The following MYPN variants were observed in gnomAD, a reference collection of about 807,000 sequenced individuals.
MYPN encodes the protein sarcomeric protein myopalladin, 145 kDa (MYOP).
In MYPN, 63 loss-of-function variants were observed where a neutral mutation model predicts 129.4. That is an observed-to-expected ratio of 0.49 (90% confidence interval 0.40 to 0.60). The LOEUF (loss-of-function observed/expected upper bound fraction) is 0.60, where lower values mean the gene tolerates loss of function less well. Among genes scored for constraint, MYPN ranks in the 20% least tolerant of loss-of-function variants. The probability of loss-of-function intolerance (pLI) is 0.00; values close to 1 mark genes in which losing one functional copy is unlikely to be tolerated. For missense variants in MYPN, 1,596 were observed against 1,635.4 expected, an observed-to-expected ratio of 0.98 and a Z score of 0.42; for synonymous variants, 629 against 600.9, an observed-to-expected ratio of 1.05 and a Z score of -0.68.
At chr10:68,146,453 G>T (rs999699989) in intron 4 of MYPN, among the ~76,000 whole-genome samples, 2 of 152,182 alleles carry the variant, frequency 1.3e-5, no homozygotes, top group Non-Finnish European at 2.9e-5. Flanking sequence ...TAAGGGGTAT[G>T]AATTTTGATC....
At chr10:68,092,199 G>A (rs118108829) in intron 1 of MYPN, among the ~76,000 whole-genome samples, 7,275 of 152,170 alleles carry the variant, frequency 0.048, 235 homozygotes, top group Middle Eastern at 0.11. Context: ...GTTAAGAAAT[G>A]TATGTTGTTG....
chr10:68,151,085 A>G (rs919215484), intron 6 of MYPN, among the ~76,000 whole-genome samples: 1 of 152,164 alleles, frequency 6.6e-6, no homozygotes, highest in Non-Finnish European at 1.5e-5. Flanking sequence ...GCCCCCCACA[A>G]CAAAAATTGT....
intron 2 of MYPN, among the ~76,000 whole-genome samples, chr10:68,125,114 G>A (rs191592524): frequency 6.6e-6 from 1 of 152,290 alleles, no homozygotes; most frequent in Admixed American, 6.5e-5. Context: ...TCAGATACAA[G>A]AATGAATTCA....
intron 10 of MYPN, among the ~76,000 whole-genome samples, chr10:68,172,992 G>A (rs905264989): frequency 3.9e-5 from 6 of 152,114 alleles, no homozygotes; most frequent in African/African-American, 1.4e-4. Flanking sequence ...AGAATCACTT[G>A]AACCCAGGAG....
chr10:68,155,551 T>A (rs1337247523), intron 6 of MYPN, among the ~76,000 whole-genome samples: 1 of 152,222 alleles, frequency 6.6e-6, no homozygotes, highest in Non-Finnish European at 1.5e-5. Context: ...TCTGTCTCAT[T>A]TGTTGTCAGT....
At chr10:68,160,455 A>C (rs956945683) in intron 7 of MYPN, among the ~76,000 whole-genome samples, 18 of 134,854 alleles carry the variant, frequency 1.3e-4, no homozygotes, top group Admixed American at 9.9e-4. Flanking sequence ...AAAAAAAAAA[A>C]CAGAGAGAGA....
chr10:68,174,679 G>A, intron 11 of MYPN, 23 bp downstream of exon 11: 1 of 1,605,834 alleles, frequency 6.2e-7, no homozygotes, highest in Non-Finnish European at 8.5e-7. Context: ...GAGGTTTCTT[G>A]ATGTAAGATG....
chr10:68,144,396 T>A (rs2042627740), intron 3 of MYPN, among the ~76,000 whole-genome samples: 1 of 152,204 alleles, frequency 6.6e-6, no homozygotes, highest in Non-Finnish European at 1.5e-5. Flanking sequence ...CTTATTTATA[T>A]CTCCAATATG....
At chr10:68,116,917 T>C (rs1022849714) in intron 1 of MYPN, among the ~76,000 whole-genome samples, 2 of 152,064 alleles carry the variant, frequency 1.3e-5, no homozygotes, top group Non-Finnish European at 2.9e-5. Flanking sequence ...TATTTTATCC[T>C]ACAATCAAAA....
rs1423715510 is a variant in MYPN at position 68,206,833 on chromosome 10, TG to T, written c.3725del (p.Gly1242AspfsTer73). On this transcript the variant is annotated frameshift_variant, in exon 19 of 20. Transcript: ENST00000358913. LOFTEE classifies it high-confidence loss of function. Reference sequence around the variant, plus strand: ...TTCAGCCAGCCAAGAAATCAGACGCTGGATGGTACACGTTGTCAGCCAAGAA... The same window carrying T: ...TTCAGCCAGCCAAGAAATCAGACGCTGATGGTACACGTTGTCAGCCAAGAA... ...LIQPAKKSDA[G>X]WYTLSAKNEA... 6.2e-7 allele frequency: 1 copy of T among 1,614,096 alleles called. No individual in the cohort carries two copies. Among genetic ancestry groups the T allele is most frequent in the African/African-American group, 1.3e-5 (1 of 74,938 alleles).
chr10:68,099,279 T>C (rs759225878), intron 1 of MYPN, among the ~76,000 whole-genome samples: 30 of 152,202 alleles, frequency 2.0e-4, no homozygotes, highest in Admixed American at 1.3e-4. Context: ...CAGCATGGCC[T>C]TTCTAGTGCT....
At chr10:68,134,368 AAAG>A (rs1469143947) in intron 2 of MYPN, among the ~76,000 whole-genome samples, 2 of 152,216 alleles carry the variant, frequency 1.3e-5, no homozygotes, top group Non-Finnish European at 2.9e-5. Flanking sequence ...AGACAAAGAA[AAAG>A]AAGGATTTCT....
At chr10:68,154,644 T>C (rs564230368) in intron 6 of MYPN, among the ~76,000 whole-genome samples, 16 of 152,304 alleles carry the variant, frequency 1.1e-4, no homozygotes, top group Non-Finnish European at 1.8e-4. Context: ...CACTGTGCAC[T>C]TGCAGCATCT....
chr10:68,165,930 T>G (rs1263562597), intron 9 of MYPN, 112 bp downstream of exon 9: 1 of 975,532 alleles, frequency 1.0e-6, no homozygotes, highest in Non-Finnish European at 1.6e-6. Context: ...TTGGCTCTTC[T>G]AAAAAGATTT....
At chr10:68,205,370 G>T (rs1225868501) in intron 18 of MYPN, among the ~76,000 whole-genome samples, 1 of 151,664 alleles carries the variant, frequency 6.6e-6, no homozygotes, top group Non-Finnish European at 1.5e-5. Flanking sequence ...TTAAACTTAG[G>T]GATCCTTCTA....
chr10:68,128,658 C>T (rs189749703), intron 2 of MYPN, among the ~76,000 whole-genome samples: 1 of 152,226 alleles, frequency 6.6e-6, no homozygotes, highest in Non-Finnish European at 1.5e-5. Flanking sequence ...AATTCCATAA[C>T]TGTTTATATA....
intron 1 of MYPN, among the ~76,000 whole-genome samples, 185 bp from the exon 2 acceptor site, chr10:68,121,253 G>T (rs189044917): frequency 2.0e-3 from 305 of 152,294 alleles, no homozygotes; most frequent in African/African-American, 6.9e-3. Flanking sequence ...ACTCCAGCCT[G>T]GGTGACAAAG....
chr10:68,142,718 C>G (rs567935028), intron 2 of MYPN, among the ~76,000 whole-genome samples: 1 of 152,322 alleles, frequency 6.6e-6, no homozygotes, highest in South Asian at 2.1e-4. Context: ...TTGTACCATT[C>G]TTAACTGGAG....
intron 2 of MYPN, chr10:68,136,586 G>A (rs2042490772): frequency 1.1e-5 from 16 of 1,495,140 alleles, no homozygotes; most frequent in African/African-American, 4.2e-5. Context: ...GACGGTTACC[G>A]ATTGTTTTTT....
Sources: allele counts gnomAD v4.1 joint callset (sites outside exome capture counted in the v4.1 genomes callset), GRCh38; gene constraint gnomAD v4.1.1; transcripts MANE v1.5; gene names NCBI Gene and HGNC (gene_info 2026-07-23, HGNC 2026-07-21).